HEATR5A: variants seen among roughly 807,000 people sequenced by gnomAD.
The protein encoded by HEATR5A is HEAT repeat containing 5A.
A neutral mutation model predicts 218.8 loss-of-function variants in HEATR5A; 178 were observed. That is an observed-to-expected ratio of 0.81 (90% CI 0.72 to 0.92). The LOEUF (loss-of-function observed/expected upper bound fraction) is 0.92. Among genes scored for constraint, HEATR5A ranks in the 40% least tolerant of loss-of-function variants. HEATR5A has a pLI of 0.00. For synonymous variants in HEATR5A, 864 were observed against 871.6 expected (o/e 0.99, Z 0.15); for missense variants, 2,420 against 2,418.9 (o/e 1.00, Z -0.01).
intron 1 of HEATR5A, among the ~76,000 whole-genome samples, chr14:31,416,136 G>C (rs2031437409): frequency 6.6e-6 from 1 of 151,934 alleles, no homozygotes; most frequent in Admixed American, 6.6e-5. Flanking sequence ...TTTGTTTTTT[G>C]AGATGGAGTC....
chr14:31,399,614 G>A (rs1036483564), intron 3 of HEATR5A, among the ~76,000 whole-genome samples: 1 of 152,182 alleles, frequency 6.6e-6, no homozygotes, highest in African/African-American at 2.4e-5. Context: ...TGGATCACTT[G>A]AGGTTAGGAG....
In HEATR5A at chr14:31,293,255, A is replaced by G. The variant is rs1390380051; in HGVS notation, c.*50T>C. 1 of 1,399,026 alleles carries G rather than the reference A, an allele frequency of 7.1e-7. No homozygotes were observed. The allele number at this position is 1,399,026 out of a possible 1,614,324, so 86.7% of individuals were successfully genotyped here. A position where few individuals can be genotyped will look rare whatever the true frequency, so the allele number is the denominator to read the frequency against. On this transcript the variant is annotated 3_prime_UTR_variant, in exon 36 of 36. Transcript: ENST00000543095. ...CAATGTCCCTTTTGTCACCAAAGGC[A>G]ATGATCAAGTATTTATTATATTAAG...
intron 7 of HEATR5A, among the ~76,000 whole-genome samples, chr14:31,387,623 A>C (rs1289076602): frequency 6.6e-6 from 1 of 150,660 alleles, no homozygotes; most frequent in African/African-American, 2.5e-5. Flanking sequence ...GCAGTGGTGC[A>C]ATCTCAGCTC....
At chr14:31,344,919 T>C (rs548952581) in intron 20 of HEATR5A, among the ~76,000 whole-genome samples, 168 bp downstream of exon 20, 1 of 152,372 alleles carries the variant, frequency 6.6e-6, no homozygotes, top group South Asian at 2.1e-4. Flanking sequence ...GTCTAAATAT[T>C]GTACTCTGTC....
intron 32 of HEATR5A, among the ~76,000 whole-genome samples, chr14:31,303,003 TCAGGAGGCTGA>T (rs1417089515): frequency 2.7e-5 from 4 of 147,240 alleles, no homozygotes; most frequent in African/African-American, 1.0e-4. Flanking sequence ...TCCCAGCTAC[TCAGGAGGCTGA>T]GGTGGGAGGA....
intron 26 of HEATR5A, among the ~76,000 whole-genome samples, chr14:31,317,801 A>G (rs1234787389): frequency 2.6e-5 from 4 of 152,224 alleles, no homozygotes; most frequent in African/African-American, 7.2e-5. Flanking sequence ...GGACTGTGGC[A>G]AAACAGGTAC....
At chr14:31,385,822 G>T (rs1250286304) in intron 9 of HEATR5A, among the ~76,000 whole-genome samples, 3 of 152,066 alleles carry the variant, frequency 2.0e-5, no homozygotes, top group Non-Finnish European at 4.4e-5. Context: ...CCACGTCTGG[G>T]GCTCAAGCGA....
At chr14:31,369,082 A>G (rs1479918904) in intron 13 of HEATR5A, among the ~76,000 whole-genome samples, 1 of 152,032 alleles carries the variant, frequency 6.6e-6, no homozygotes, top group East Asian at 1.9e-4. Flanking sequence ...ACATCGCTTG[A>G]GCCTGGAAAT....
Position 31,355,163 on chromosome 14 carries a change from C to T in HEATR5A, c.2411+3474G>A, listed in dbSNP as rs575795672. 4.6e-5 allele frequency among the ~76,000 whole-genome samples: 7 copies of T among 150,886 alleles called. No individual in the cohort carries two copies. The Admixed American group carries it at 4.7e-4, about 10-fold the overall frequency. On this transcript the variant is annotated intron_variant, in intron 16 of 35. Coordinates refer to ENST00000543095, the MANE Select transcript of HEATR5A (RefSeq NM_015473.4). ...GAGCAGTAGCTTACACCTGTAATCC[C>T]AGGACTTTGGGAGGCTGACGGGGGC...
Position 31,383,789 on chromosome 14 carries a change from T to C in HEATR5A, c.1346-18A>G, listed in dbSNP as rs751693463. 1.2e-6 allele frequency: 2 copies of C among 1,606,202 alleles called. No homozygotes were observed. Among genetic ancestry groups the C allele is most frequent in the Non-Finnish European group, 1.7e-6 (2 of 1,176,142 alleles). On this transcript the variant is annotated intron_variant, in intron 9 of 35. Transcript: ENST00000543095. ...AAGGAGACCTGGAAGGATAAACAAA[T>C]GATGACTTAGGTACATAGATAAAAC...
At chr14:31,295,421 ATT>A (rs1047581336) in intron 34 of HEATR5A, 1 of 152,114 alleles carries the variant, frequency 6.6e-6, no homozygotes, top group Admixed American at 6.6e-5. Context: ...TAATTTTTGT[ATT>A]TTTTGTAGGG....
Position 31,302,296 on chromosome 14 carries a change from T to C in HEATR5A, c.5463A>G (p.Pro1821=), listed in dbSNP as rs1478594226. 6.3e-7 allele frequency: 1 copy of C among 1,583,990 alleles called. No individual in the cohort carries two copies. Among genetic ancestry groups the C allele is most frequent in the Non-Finnish European group, 8.6e-7 (1 of 1,163,020 alleles). ...CTGCTTCCAAATAGCCTCAATTACC[T>C]GGATCCCAACAGTCAAGAATTGTTG... ...ALTTILDCWD[P]VDETHQELDE... Residue 1821 remains proline (P), a splice_region_variant and synonymous_variant, in exon 33 of 36, where the codon CCA becomes CCG. Transcript: ENST00000543095.
At chr14:31,368,741 T>A (rs10129177) in intron 13 of HEATR5A, among the ~76,000 whole-genome samples, 57 of 144,538 alleles carry the variant, frequency 3.9e-4, no homozygotes, top group African/African-American at 1.4e-3. Flanking sequence ...TTATTTATTT[T>A]GGTAGAGATG....
intron 16 of HEATR5A, among the ~76,000 whole-genome samples, chr14:31,351,646 C>A (rs1156272890): frequency 1.3e-5 from 2 of 152,094 alleles, no homozygotes; most frequent in African/African-American, 4.8e-5. Context: ...ATCCAAAGAG[C>A]TATGGTGCTT....
rs958835692 is a variant in HEATR5A, at chr14:31,402,996, G to A, written c.-21C>T. ...TCCATTCCTTGCAGCAATCCTCCCAGCTGATCACAGTTCTTCTCGTTAAAC... is the reference window on the plus strand; with the variant it reads ...TCCATTCCTTGCAGCAATCCTCCCAACTGATCACAGTTCTTCTCGTTAAAC... On this transcript the variant is annotated 5_prime_UTR_variant, in exon 2 of 36. Transcript: ENST00000543095. 2.6e-6 allele frequency: 4 copies of A among 1,531,912 alleles called. No homozygotes were observed. Among genetic ancestry groups the A allele is most frequent in the Admixed American group, 2.0e-5 (1 of 50,772 alleles). The allele number at this position is 1,531,912 out of a possible 1,614,324, so 94.9% of individuals were successfully genotyped here.
intron 33 of HEATR5A, among the ~76,000 whole-genome samples, chr14:31,301,631 C>T (rs1410429796): frequency 2.6e-5 from 4 of 151,984 alleles, no homozygotes; most frequent in African/African-American, 9.7e-5. Flanking sequence ...GAACTGGGAC[C>T]ATAGGTGTGC....
At position 31,321,700 on chromosome 14, in the gene HEATR5A, A is replaced by G; in HGVS notation, c.3788-20T>C. On this transcript the variant is annotated intron_variant, in intron 24 of 35. Transcript: ENST00000543095. ...AGTCATCTATAAGATTAAAAAACAT[A>G]TTGGGAGAAAAAAAGATTAGAAAAT... 1 of 1,512,076 alleles carries G rather than the reference A, an allele frequency of 6.6e-7. No individual in the cohort carries two copies. The highest frequency in any genetic ancestry group is 8.9e-7 in the Non-Finnish European group (1 of 1,122,146). The allele number at this position is 1,512,076 out of a possible 1,614,324, so 93.7% of individuals were successfully genotyped here.
At chr14:31,298,617 TATA>T (rs1373067727) in intron 33 of HEATR5A, among the ~76,000 whole-genome samples, 6 of 152,102 alleles carry the variant, frequency 3.9e-5, no homozygotes, top group Admixed American at 2.6e-4. Flanking sequence ...AACTTGTAGC[TATA>T]ATATTATTTT....
At chr14:31,369,195 G>C (rs1901924599) in intron 13 of HEATR5A, among the ~76,000 whole-genome samples, 1 of 150,372 alleles carries the variant, frequency 6.7e-6, no homozygotes, top group Non-Finnish European at 1.5e-5. Flanking sequence ...TACTTGGGAG[G>C]CTTACGTGGG....
Sources: allele counts gnomAD v4.1 joint callset (sites outside exome capture counted in the v4.1 genomes callset), GRCh38; gene constraint gnomAD v4.1.1; transcripts MANE v1.5; gene names NCBI Gene and HGNC (gene_info 2026-07-23, HGNC 2026-07-21).